The following TMEM67 variants were observed in gnomAD, a reference collection of about 807,000 sequenced individuals.
The protein encoded by TMEM67 is meckelin.
TMEM67 carries 124 observed loss-of-function variants against 136.6 expected under a neutral mutation model. The observed-to-expected ratio is 0.91, with a 90% CI of 0.78 to 1.05. The LOEUF is 1.05. Ranked by LOEUF, TMEM67 falls within the 50% of genes least tolerant of loss-of-function variation. The pLI, the probability that TMEM67 is intolerant of heterozygous loss-of-function variation, is 0.00. For synonymous variants in TMEM67, 364 were observed against 390.5 expected (o/e 0.93, Z 0.80); for missense variants, 1,107 against 1,178.4 (o/e 0.94, Z 0.89).
In TMEM67 at chr8:93,770,143, T is replaced by G. The variant is rs532489934; in HGVS notation, c.652-2446T>G. ...AAAATTGCAGAAAAGCTGAAAGAAT[T>G]AGACAATGACTATGCCTATGTCTTT... On this transcript the variant is annotated intron_variant, in intron 6 of 27. Coordinates refer to ENST00000453321, the MANE Select transcript of TMEM67 (RefSeq NM_153704.6). Among the ~76,000 whole-genome samples the G allele has an allele frequency of 3.3e-5, 5 of 152,312 alleles. No homozygotes were observed. The South Asian group carries it at 1.0e-3, about 32-fold the overall frequency.
At chr8:93,793,100 C>A in intron 15 of TMEM67, 98 bp from the exon 16 acceptor site, 2 of 1,097,750 alleles carry the variant, frequency 1.8e-6, no homozygotes, top group Non-Finnish European at 2.8e-6. Context: ...CATTTCCCAC[C>A]CCACCATTTT....
chr8:93,762,820 A>G (rs551771572), intron 3 of TMEM67: 67 of 283,034 alleles, frequency 2.4e-4, no homozygotes, highest in African/African-American at 1.3e-3. Context: ...CACAGGAAAC[A>G]TAAGTGGTAT....
intron 21 of TMEM67, among the ~76,000 whole-genome samples, chr8:93,803,189 G>A (rs1793562773): frequency 6.6e-6 from 1 of 151,894 alleles, no homozygotes. Context: ...CTTTTTATGT[G>A]CTGTTCTGGC....
At chr8:93,796,035 A>G (rs1281962135) in intron 18 of TMEM67, 48 bp downstream of exon 18, 2 of 1,184,284 alleles carry the variant, frequency 1.7e-6, no homozygotes, top group African/African-American at 1.5e-5. Flanking sequence ...CTGCTAATGA[A>G]CTAACAAGTC....
chr8:93,773,318 T>C (rs1351991144), intron 7 of TMEM67, among the ~76,000 whole-genome samples: 1 of 151,950 alleles, frequency 6.6e-6, no homozygotes, highest in African/African-American at 2.4e-5. Flanking sequence ...AGGTCAGGGA[T>C]GTAGGGAGTG....
At chr8:93,787,760 T>A (rs1814176310) in intron 13 of TMEM67, 84 bp from the exon 14 acceptor site, 1 of 1,086,184 alleles carries the variant, frequency 9.2e-7, no homozygotes, top group Admixed American at 1.7e-5. Context: ...CAATTCATAT[T>A]AAATTCAAAA....
At chr8:93,789,789 C>T (rs143275039) in intron 14 of TMEM67, among the ~76,000 whole-genome samples, 21 of 150,686 alleles carry the variant, frequency 1.4e-4, no homozygotes, top group South Asian at 1.3e-3. Flanking sequence ...AAGTTAAGTC[C>T]GCTGGTCGTA....
chr8:93,808,833 T>C lies in TMEM67; in HGVS notation c.2440-7T>C, dbSNP rs1323389133. ...TTGATCTTAACTTAAATTCTTTAAC[T>C]TTTCAGGAAAATTTGTGTAGCCAGA... On this transcript the variant is annotated splice_region_variant and splice_polypyrimidine_tract_variant and intron_variant, in intron 23 of 27. Coordinates refer to ENST00000453321, the MANE Select transcript of TMEM67 (RefSeq NM_153704.6). The C allele has an allele frequency of 3.8e-6, 6 of 1,582,934 alleles. No homozygotes were observed. The highest frequency in any genetic ancestry group is 5.2e-6 in the Non-Finnish European group (6 of 1,152,380).
chr8:93,813,215 G>A (rs920986011), intron 26 of TMEM67, among the ~76,000 whole-genome samples: 1 of 151,610 alleles, frequency 6.6e-6, no homozygotes, highest in Admixed American at 6.6e-5. Context: ...GTCTCGCTCT[G>A]TTGTCTAGGC....
At chr8:93,785,180 G>A (rs1173263753) in intron 11 of TMEM67, 42 bp from the exon 12 acceptor site, 6 of 1,157,368 alleles carry the variant, frequency 5.2e-6, no homozygotes, top group Non-Finnish European at 7.8e-6. Flanking sequence ...AGTACTTTAA[G>A]TTGCTGTTTT....
chr8:93,813,149 C>T lies in TMEM67; in HGVS notation c.2765-2156C>T, dbSNP rs146609893. On this transcript the variant is annotated intron_variant, in intron 26 of 27. Coordinates refer to ENST00000453321, the MANE Select transcript of TMEM67 (RefSeq NM_153704.6). ...CTTCCTTCCTCTTCCTCCTATCTTC[C>T]TCTTCTTTCTAAGTATGTTCTTCCA... 4.1e-3 allele frequency among the ~76,000 whole-genome samples: 621 copies of T among 152,072 alleles called. 6 individuals carry two copies. Among genetic ancestry groups the T allele is most frequent in the African/African-American group, 0.015 (607 of 41,498 alleles).
chr8:93,791,340 T>TA, intron 15 of TMEM67, 21 bp downstream of exon 15: 2 of 1,491,626 alleles, frequency 1.3e-6, no homozygotes, highest in Non-Finnish European at 1.9e-6. Context: ...TTTAACCTTT[T>TA]AAAATATATA....
Position 93,816,477 on chromosome 8 carries a change from C to T in TMEM67, c.*25C>T, listed in dbSNP as rs1808912343. 7.2e-7 allele frequency: 1 copy of T among 1,389,612 alleles called. No homozygotes were observed. The highest frequency in any genetic ancestry group is 1.8e-4 in the Middle Eastern group (1 of 5,540). The allele number at this position is 1,389,612 out of a possible 1,614,324, so 86.1% of individuals were successfully genotyped here. A position where few individuals can be genotyped will look rare whatever the true frequency, so the allele number is the denominator to read the frequency against. On this transcript the variant is annotated 3_prime_UTR_variant, in exon 28 of 28. Transcript: ENST00000453321. ...ACTTCCTGAATAAATAACTTAAAGACTCAGTATAATCATGGCCAAAAAAAA... is the reference window on the plus strand; with the variant it reads ...ACTTCCTGAATAAATAACTTAAAGATTCAGTATAATCATGGCCAAAAAAAA...
rs777320782 is a variant in TMEM67 at position 93,804,764 on chromosome 8, A to G, written c.2325A>G (p.Ile775Met). 6.5e-7 allele frequency: 1 copy of G among 1,549,286 alleles called. No homozygotes were observed. The highest frequency in any genetic ancestry group is 8.9e-7 in the Non-Finnish European group (1 of 1,121,796). Reference protein sequence around the residue: ...QFVDLCSMSNISVFLLSHKCF... With the variant: ...QFVDLCSMSNMSVFLLSHKCF... The stretch of plus-strand genomic sequence containing the variant: ...TTCTTTTTATTCTCTTTTTATAGAT[A>G]TCAGTGTTTCTGTTATCCCACAAAT... The change falls in exon 23 of 28, where the codon ATA (isoleucine) becomes ATG (methionine). Residue 775 changes from isoleucine to methionine, a missense_variant and splice_region_variant. Ile to Met is a conservative substitution (Grantham distance 10, BLOSUM62 1). Around this residue, in one of 3 missense-constraint regions of TMEM67, gnomAD observed 925 missense variants for 1,002.4 expected, o/e 0.92. Coordinates refer to ENST00000453321, the MANE Select transcript of TMEM67 (RefSeq NM_153704.6).
At position 93,782,433 on chromosome 8, in the gene TMEM67, T is replaced by C. The variant is rs780053133; in HGVS notation, c.1104T>C (p.Tyr368=). The C allele has an allele frequency of 2.0e-5, 33 of 1,613,066 alleles. No homozygotes were observed. The highest frequency in any genetic ancestry group is 2.8e-5 in the Non-Finnish European group (33 of 1,179,726). Reference sequence around the variant, plus strand: ...CAGAGACAAGGCTAAATGCTGCTTATTCATTTGGAACAACCTACCAACAAA... The same window carrying C: ...CAGAGACAAGGCTAAATGCTGCTTACTCATTTGGAACAACCTACCAACAAA... ...PDTETRLNAA[Y]SFGTTYQQNC... Residue 368 remains tyrosine (Y), a synonymous_variant, in exon 11 of 28, where the codon TAT becomes TAC. Coordinates refer to ENST00000453321, the MANE Select transcript of TMEM67 (RefSeq NM_153704.6).
chr8:93,795,820 AC>A, intron 17 of TMEM67, 80 bp from the exon 18 acceptor site: 2 of 1,208,796 alleles, frequency 1.7e-6, no homozygotes, highest in Non-Finnish European at 2.4e-6. Flanking sequence ...CCAAAAAAAA[AC>A]AAAAACGAAA....
intron 26 of TMEM67, among the ~76,000 whole-genome samples, chr8:93,813,572 AAG>A (rs1431455360): frequency 1.3e-5 from 2 of 152,232 alleles, no homozygotes; most frequent in African/African-American, 4.8e-5. Context: ...CAGAAATGTT[AAG>A]AGAAAAGAGT....
intron 6 of TMEM67, among the ~76,000 whole-genome samples, chr8:93,768,148 G>A (rs1488495114): frequency 1.3e-5 from 2 of 151,940 alleles, no homozygotes; most frequent in African/African-American, 4.8e-5. Flanking sequence ...TTACAGGCAT[G>A]AGCCACCACA....
At chr8:93,802,980 A>G (rs542183364) in intron 21 of TMEM67, among the ~76,000 whole-genome samples, 10 of 152,280 alleles carry the variant, frequency 6.6e-5, no homozygotes, top group African/African-American at 2.4e-4. Context: ...GGAGTGGAAG[A>G]TAGGAATGGG....
Sources: allele counts gnomAD v4.1 joint callset (sites outside exome capture counted in the v4.1 genomes callset), GRCh38; gene constraint gnomAD v4.1.1; regional missense constraint gnomAD v4.1.1; transcripts MANE v1.5; gene names NCBI Gene and HGNC (gene_info 2026-07-23, HGNC 2026-07-21).